Variants in CDH18 observed in about 807,000 individuals in gnomAD.
CDH18 encodes cadherin-18.
A neutral mutation model predicts 67.9 loss-of-function variants in CDH18; 31 were observed. The ratio of observed to expected loss-of-function variants is 0.46; its 90% confidence interval spans 0.34 to 0.62. The LOEUF (loss-of-function observed/expected upper bound fraction) is 0.62, where lower values mean the gene tolerates loss of function less well. Among genes scored for constraint, CDH18 ranks in the 20% least tolerant of loss-of-function variants. The probability of loss-of-function intolerance (pLI) is 0.01; values close to 1 mark genes in which losing one functional copy is unlikely to be tolerated. For missense variants in CDH18, 890 were observed against 975.5 expected (o/e 0.91, Z 1.17); for synonymous variants, 362 against 347.2 (o/e 1.04, Z -0.48).
chr5:19,537,619 T>G (rs1360947469), intron 9 of CDH18, among the ~76,000 whole-genome samples: 1 of 152,094 alleles, frequency 6.6e-6, no homozygotes, highest in Non-Finnish European at 1.5e-5. Flanking sequence ...TTATCCTCCC[T>G]ATGAAACCTT....
intron 1 of CDH18, among the ~76,000 whole-genome samples, chr5:20,571,978 G>A (rs749348938): frequency 3.3e-5 from 5 of 152,034 alleles, no homozygotes; most frequent in Non-Finnish European, 7.4e-5. Context: ...AGAGATGGGA[G>A]GAATGTTTTT....
At chr5:19,665,705 C>T (rs919750412) in intron 5 of CDH18, among the ~76,000 whole-genome samples, 1 of 151,942 alleles carries the variant, frequency 6.6e-6, no homozygotes, top group Non-Finnish European at 1.5e-5. Context: ...AAATGAAAAT[C>T]ATTTCTCATG....
At chr5:19,559,932 A>T (rs538865506) in intron 8 of CDH18, among the ~76,000 whole-genome samples, 1 of 151,770 alleles carries the variant, frequency 6.6e-6, no homozygotes, top group Non-Finnish European at 1.5e-5. Context: ...AAACAAAAAA[A>T]AAACTCAGGA....
chr5:20,033,628 T>A (rs1397255161), intron 2 of CDH18, among the ~76,000 whole-genome samples: 2 of 151,998 alleles, frequency 1.3e-5, no homozygotes, highest in African/African-American at 2.4e-5. Context: ...TAGAACCAAA[T>A]AACAAATCAG....
chr5:19,879,731 T>C (rs1256288604), intron 2 of CDH18, among the ~76,000 whole-genome samples: 1 of 152,026 alleles, frequency 6.6e-6, no homozygotes, highest in Non-Finnish European at 1.5e-5. Context: ...AGAGAGATCA[T>C]AGATATTTAA....
intron 3 of CDH18, among the ~76,000 whole-genome samples, chr5:19,805,949 T>G (rs1182917599): frequency 6.6e-6 from 1 of 152,132 alleles, no homozygotes; most frequent in Admixed American, 6.5e-5. Context: ...TATAGCTATT[T>G]TCTTCTTCGA....
chr5:19,921,417 G>T (rs371114650), intron 2 of CDH18, among the ~76,000 whole-genome samples: 1 of 151,770 alleles, frequency 6.6e-6, no homozygotes, highest in African/African-American at 2.4e-5. Flanking sequence ...TGTAGTCCCA[G>T]CTACTCGGGA....
At chr5:19,940,574 AT>A (rs917328780) in intron 2 of CDH18, among the ~76,000 whole-genome samples, 2 of 151,854 alleles carry the variant, frequency 1.3e-5, no homozygotes, top group South Asian at 2.1e-4. Flanking sequence ...TATTCACACA[AT>A]TTTTTTTCAG....
intron 1 of CDH18, among the ~76,000 whole-genome samples, chr5:20,508,588 T>C (rs910085543): frequency 6.6e-6 from 1 of 151,610 alleles, no homozygotes; most frequent in Non-Finnish European, 1.5e-5. Flanking sequence ...TCAAAATTCA[T>C]TTACCCCAAC....
intron 2 of CDH18, among the ~76,000 whole-genome samples, chr5:20,147,467 G>C (rs1481906502): frequency 6.6e-6 from 1 of 151,946 alleles, no homozygotes; most frequent in Non-Finnish European, 1.5e-5. Context: ...TAAAATAACA[G>C]ATAATTTAAA....
chr5:19,856,087 T>C (rs1186032762), intron 2 of CDH18, among the ~76,000 whole-genome samples: 1 of 152,220 alleles, frequency 6.6e-6, no homozygotes, highest in African/African-American at 2.4e-5. Flanking sequence ...AATCATCACA[T>C]TTCTCAAAAG....
intron 3 of CDH18, among the ~76,000 whole-genome samples, chr5:19,783,284 G>C (rs1361008815): frequency 6.6e-6 from 1 of 152,072 alleles, no homozygotes; most frequent in Non-Finnish European, 1.5e-5. Flanking sequence ...ATATTAATAA[G>C]GTACAATTAG....
chr5:19,512,251 T>C (rs1206341516), intron 10 of CDH18, among the ~76,000 whole-genome samples: 1 of 152,202 alleles, frequency 6.6e-6, no homozygotes, highest in Non-Finnish European at 1.5e-5. Context: ...GAAATGATCT[T>C]GAAATTTAAA....
At chr5:20,170,056 C>T (rs1260165373) in intron 2 of CDH18, among the ~76,000 whole-genome samples, 1 of 151,486 alleles carries the variant, frequency 6.6e-6, no homozygotes, top group Non-Finnish European at 1.5e-5. Context: ...GATATATGTG[C>T]AGAACGTGCA....
chr5:20,501,755 G>GTA (rs1554010624), intron 1 of CDH18, among the ~76,000 whole-genome samples: 1 of 119,750 alleles, frequency 8.4e-6, no homozygotes, highest in Non-Finnish European at 1.8e-5. Flanking sequence ...GTGTGTGTGT[G>GTA]TATACCTTTA....
At chr5:20,120,428 A>G (rs1479959326) in intron 2 of CDH18, among the ~76,000 whole-genome samples, 1 of 152,132 alleles carries the variant, frequency 6.6e-6, no homozygotes, top group East Asian at 1.9e-4. Flanking sequence ...TACTTTACAG[A>G]TATATAAACT....
At chr5:20,176,235 T>C (rs1184962376) in intron 2 of CDH18, among the ~76,000 whole-genome samples, 1 of 152,166 alleles carries the variant, frequency 6.6e-6, no homozygotes, top group Non-Finnish European at 1.5e-5. Flanking sequence ...AGAACAACTG[T>C]GCTAAGTCAC....
chr5:20,201,854 A>G (rs1297593995), intron 2 of CDH18, among the ~76,000 whole-genome samples: 1 of 152,188 alleles, frequency 6.6e-6, no homozygotes, highest in African/African-American at 2.4e-5. Context: ...TTGGGGGACA[A>G]TTAAACTGCT....
intron 1 of CDH18, among the ~76,000 whole-genome samples, chr5:20,437,755 T>A (rs557260877): frequency 6.6e-6 from 1 of 151,502 alleles, no homozygotes; most frequent in South Asian, 2.1e-4. Flanking sequence ...ATAAGTTTTA[T>A]TCATGCTCCA....
Sources: allele counts gnomAD v4.1 joint callset (sites outside exome capture counted in the v4.1 genomes callset), GRCh38; gene constraint gnomAD v4.1.1; transcripts MANE v1.5; gene names NCBI Gene and HGNC (gene_info 2026-07-23, HGNC 2026-07-21).